NUCKS1: variants seen among roughly 807,000 people sequenced by gnomAD.
The protein encoded by NUCKS1 is nuclear casein kinase and cyclin dependent kinase substrate 1, also known as nuclear ubiquitous casein and cyclin-dependent kinase substrate 1.
In NUCKS1, 2 loss-of-function variants were observed where a neutral mutation model predicts 33.0. That is an observed-to-expected ratio of 0.06 (90% CI 0.02 to 0.19). NUCKS1 has a LOEUF of 0.19. NUCKS1 is among the 10% of genes least tolerant of loss of function. The probability of loss-of-function intolerance (pLI) is 1.00; values close to 1 mark genes in which losing one functional copy is unlikely to be tolerated. For missense variants in NUCKS1, 201 were observed against 293.6 expected (o/e 0.68, Z 2.31); for synonymous variants, 106 against 102.8 (o/e 1.03, Z -0.19).
intron 4 of NUCKS1, among the ~76,000 whole-genome samples, chr1:205,722,190 C>T (rs1281879574): frequency 1.3e-5 from 2 of 152,034 alleles, no homozygotes; most frequent in African/African-American, 4.8e-5. Flanking sequence ...ATTCTCCTGT[C>T]TCATCCTCCC....
At chr1:205,733,169 T>C (rs1346330227) in intron 1 of NUCKS1, among the ~76,000 whole-genome samples, 1 of 152,208 alleles carries the variant, frequency 6.6e-6, no homozygotes, top group Non-Finnish European at 1.5e-5. Context: ...TATTACCCCA[T>C]TTCTGGGTAC....
Position 205,717,976 on chromosome 1 carries a change from C to T in NUCKS1, c.*304G>A. ...ATTAAAAATAAAAAGATGAAGCAGT[C>T]AATCCAGTGATTAATTTGACATGGC... On this transcript the variant is annotated 3_prime_UTR_variant, in exon 7 of 7. Coordinates refer to ENST00000367142, the MANE Select transcript of NUCKS1 (RefSeq NM_022731.5). 2 of 1,042,414 alleles carry T rather than the reference C, an allele frequency of 1.9e-6. No homozygotes were observed. The highest frequency in any genetic ancestry group is 4.3e-5 in the South Asian group (1 of 23,360). The allele number at this position is 1,042,414 out of a possible 1,614,324, so 64.6% of individuals were successfully genotyped here. A position where few individuals can be genotyped will look rare whatever the true frequency, so the allele number is the denominator to read the frequency against.
intron 1 of NUCKS1, among the ~76,000 whole-genome samples, chr1:205,739,513 C>T (rs1321827024): frequency 2.6e-5 from 4 of 152,108 alleles, no homozygotes; most frequent in Non-Finnish European, 4.4e-5. Flanking sequence ...CACTCTGCTG[C>T]CCAGGCTGGA....
At chr1:205,749,929 C>T in intron 1 of NUCKS1, 28 bp downstream of exon 1, 1 of 1,607,292 alleles carries the variant, frequency 6.2e-7, no homozygotes, top group Non-Finnish European at 8.5e-7. Flanking sequence ...CCCTCCAACC[C>T]GCTCCAGGCC....
intron 1 of NUCKS1, among the ~76,000 whole-genome samples, chr1:205,743,610 G>T (rs968965373): frequency 6.6e-6 from 1 of 152,106 alleles, no homozygotes; most frequent in Non-Finnish European, 1.5e-5. Flanking sequence ...CAGAAAGATT[G>T]TTTTGTTCTT....
chr1:205,738,487 C>T (rs1272851350), intron 1 of NUCKS1, among the ~76,000 whole-genome samples: 3 of 148,636 alleles, frequency 2.0e-5, no homozygotes, highest in South Asian at 2.1e-4. Flanking sequence ...TGGTCTCCAA[C>T]TCCTGGGCTC....
chr1:205,742,768 T>C (rs1341361763), intron 1 of NUCKS1, among the ~76,000 whole-genome samples: 4 of 152,008 alleles, frequency 2.6e-5, no homozygotes, highest in Admixed American at 2.6e-4. Context: ...GAGCTTGCAG[T>C]GAGCCGAGAT....
chr1:205,745,803 A>G, intron 1 of NUCKS1, among the ~76,000 whole-genome samples: 1 of 152,204 alleles, frequency 6.6e-6, no homozygotes, highest in Non-Finnish European at 1.5e-5. Flanking sequence ...ACATGGTGAT[A>G]AAGAAAAATA....
In NUCKS1 at chr1:205,713,977, G is replaced by A. The variant is rs1041822738; in HGVS notation, c.*4303C>T. The A allele has an allele frequency of 6.6e-6, 1 of 152,182 alleles. No homozygotes were observed. Among genetic ancestry groups the A allele is most frequent in the African/African-American group, 2.4e-5 (1 of 41,450 alleles). 9.4% of individuals were successfully genotyped at this position (152,182 alleles called of 1,614,324 possible). A position where few individuals can be genotyped will look rare whatever the true frequency, so the allele number is the denominator to read the frequency against. The stretch of plus-strand genomic sequence containing the variant: ...ACTTGGCTGTTGCTTAACCTGGCAA[G>A]TCTAAAAGCCTTTCTTTAACCTTGT... On this transcript the variant is annotated 3_prime_UTR_variant, in exon 7 of 7. Coordinates refer to ENST00000367142, the MANE Select transcript of NUCKS1 (RefSeq NM_022731.5).
At chr1:205,749,818 G>A (rs987599161) in intron 1 of NUCKS1, 139 bp downstream of exon 1, 3 of 887,722 alleles carry the variant, frequency 3.4e-6, no homozygotes, top group South Asian at 1.7e-5. Context: ...CCACGCTCAA[G>A]GGTGCGCGCG....
chr1:205,746,008 C>G (rs1019507390), intron 1 of NUCKS1, among the ~76,000 whole-genome samples: 5 of 152,168 alleles, frequency 3.3e-5, no homozygotes, highest in African/African-American at 4.8e-5. Context: ...ATAAAAGTAA[C>G]TTTCCGGCCG....
At chr1:205,728,613 CT>C (rs1469155070) in intron 2 of NUCKS1, among the ~76,000 whole-genome samples, 2 of 151,818 alleles carry the variant, frequency 1.3e-5, no homozygotes, top group African/African-American at 4.8e-5. Context: ...TTTTTTTTCT[CT>C]TCTTCATATC....
At chr1:205,724,063 G>C (rs1301922791) in intron 3 of NUCKS1, 82 bp from the exon 4 acceptor site, 3 of 1,004,620 alleles carry the variant, frequency 3.0e-6, no homozygotes, top group Non-Finnish European at 3.2e-6. Context: ...TTTCTGACTT[G>C]AGAAGAAGTG....
intron 3 of NUCKS1, among the ~76,000 whole-genome samples, chr1:205,725,698 C>G (rs192345538): frequency 6.6e-6 from 1 of 152,088 alleles, no homozygotes; most frequent in South Asian, 2.1e-4. Context: ...AGAATAAATA[C>G]ACAAGGCATA....
At chr1:205,743,697 G>C (rs949365288) in intron 1 of NUCKS1, among the ~76,000 whole-genome samples, 1 of 152,094 alleles carries the variant, frequency 6.6e-6, no homozygotes, top group Admixed American at 6.6e-5. Context: ...TTGGAAAGTG[G>C]AGCCTTAAGT....
In NUCKS1 at chr1:205,714,807, G is replaced by C. The variant is rs796701256; in HGVS notation, c.*3473C>G. 8.5e-5 allele frequency: 13 copies of C among 152,250 alleles called. No homozygotes were observed. Among genetic ancestry groups the C allele is most frequent in the African/African-American group, 3.1e-4 (13 of 41,552 alleles). 9.4% of individuals were successfully genotyped at this position (152,250 alleles called of 1,614,324 possible). On this transcript the variant is annotated 3_prime_UTR_variant, in exon 7 of 7. Transcript: ENST00000367142. ...TAAATGCCATGAAGACCAGAGCCCA[G>C]GTTTCTTCCTTTTCAAATTCTTAAG...
At chr1:205,734,396 T>C (rs1414694237) in intron 1 of NUCKS1, among the ~76,000 whole-genome samples, 3 of 152,192 alleles carry the variant, frequency 2.0e-5, no homozygotes, top group Admixed American at 6.6e-5. Flanking sequence ...ACAGCCAGAA[T>C]GATCTCATAT....
At chr1:205,749,915 A>G in intron 1 of NUCKS1, 42 bp downstream of exon 1, 1 of 1,106,210 alleles carries the variant, frequency 9.0e-7, no homozygotes, top group Non-Finnish European at 1.3e-6. Context: ...ACTCGCCCCC[A>G]TCCCCCTCCA....
chr1:205,723,975 G>A lies in NUCKS1; in HGVS notation c.180C>T (p.Asp60=), dbSNP rs1279497692. 6.2e-7 allele frequency: 1 copy of A among 1,611,980 alleles called. No homozygotes were observed. The highest frequency in any genetic ancestry group is 2.2e-5 in the East Asian group (1 of 44,778). Residue 60 remains aspartate (D), a synonymous_variant, in exon 4 of 7, where the codon GAC becomes GAT. Coordinates refer to ENST00000367142, the MANE Select transcript of NUCKS1 (RefSeq NM_022731.5). ...TGGTCTTCACATCTTTGTCTTCTGA[G>A]TCCTCACTATAAAGGGAGGCAAAAA... is the stretch of plus-strand genomic sequence containing the variant. ...SGKNSQEDSE[D]SEDKDVKTKK...
Sources: gnomAD v4.1 joint callset for allele counts (sites outside exome capture counted in the v4.1 genomes callset) on GRCh38, gnomAD v4.1.1 for gene constraint, MANE v1.5 for transcripts, NCBI Gene and HGNC (gene_info 2026-07-23, HGNC 2026-07-21) for gene names.